Variants in KCNN2 observed in about 807,000 individuals in gnomAD.
KCNN2 encodes the protein potassium calcium-activated channel subfamily N member 2.
Under a neutral mutation model 55.5 loss-of-function variants are expected in KCNN2, and 24 were observed. The observed-to-expected ratio is 0.43, with a 90% CI of 0.31 to 0.61. The LOEUF (loss-of-function observed/expected upper bound fraction) is 0.61, where lower values mean the gene tolerates loss of function less well. Ranked by LOEUF, KCNN2 falls within the 20% of genes least tolerant of loss-of-function variation. The probability of loss-of-function intolerance (pLI) is 0.08; values close to 1 mark genes in which losing one functional copy is unlikely to be tolerated. For synonymous variants in KCNN2, 431 were observed against 336.1 expected (o/e 1.28, Z -3.09); for missense variants, 754 against 853.6 (o/e 0.88, Z 1.45).
In KCNN2 at chr5:114,247,202, CAA is replaced by C. The variant is rs370172975; in HGVS notation, c.-185+25657_-185+25658del. ...AGCCAGGCATGGTACCATATGTCTC[CAA>C]AAAAAAAAAAAAAAAAAAAGAAAAG... On this transcript the variant is annotated intron_variant, in intron 2 of 10. Transcript: ENST00000512097. 6.7e-3 allele frequency among the ~76,000 whole-genome samples: 459 copies of C among 68,096 alleles called. 2 individuals carry two copies. The highest frequency in any genetic ancestry group is 0.025 in the African/African-American group (429 of 17,210). 44.7% of individuals were successfully genotyped at this position (68,096 alleles called of 152,430 possible).
intron 2 of KCNN2, among the ~76,000 whole-genome samples, chr5:114,323,030 C>G (rs184995537): frequency 1.3e-4 from 20 of 152,324 alleles, no homozygotes; most frequent in Admixed American, 9.1e-4. Flanking sequence ...TATCATTTAG[C>G]TCCTGCTAAT....
chr5:114,217,609 G>C (rs1754033659), intron 1 of KCNN2, among the ~76,000 whole-genome samples: 1 of 152,046 alleles, frequency 6.6e-6, no homozygotes, highest in Non-Finnish European at 1.5e-5. Flanking sequence ...AACTTAAAAT[G>C]AATCACCTGT....
intron 2 of KCNN2, among the ~76,000 whole-genome samples, chr5:114,386,917 T>C (rs1007473206): frequency 1.3e-5 from 2 of 152,244 alleles, no homozygotes; most frequent in Admixed American, 6.5e-5. Context: ...TGCTTTCTAC[T>C]GTCCTTACTT....
intron 1 of KCNN2, among the ~76,000 whole-genome samples, chr5:114,081,914 A>C (rs1050381759): frequency 6.6e-6 from 1 of 152,122 alleles, no homozygotes; most frequent in Non-Finnish European, 1.5e-5. Context: ...CTTAAAATTC[A>C]ACAAAAGCAA....
chr5:114,385,264 C>T lies in KCNN2; in HGVS notation c.1219-19174C>T, dbSNP rs189941944. On this transcript the variant is annotated intron_variant, in intron 2 of 7. Transcript: ENST00000673685. ...TTTTGTTCTCTTTCTCTCCCTTTCT[C>T]TCTTCCTTCATAACATCACAGAAGT... 2.0e-4 allele frequency among the ~76,000 whole-genome samples: 30 copies of T among 152,010 alleles called. No individual in the cohort carries two copies. The East Asian group carries it at 5.6e-3, about 29-fold the overall frequency.
At chr5:114,259,176 G>T (rs1755047842) in intron 2 of KCNN2, among the ~76,000 whole-genome samples, 1 of 152,172 alleles carries the variant, frequency 6.6e-6, no homozygotes. Context: ...GAGTTTTCAG[G>T]CTAGGAAAGC....
chr5:114,157,365 C>A (rs944928260), intron 1 of KCNN2, among the ~76,000 whole-genome samples: 2 of 152,038 alleles, frequency 1.3e-5, no homozygotes, highest in East Asian at 1.9e-4. Flanking sequence ...CTAGTATTCC[C>A]TGGTGTATAT....
At position 114,363,143 on chromosome 5, in the gene KCNN2, A is replaced by G. The variant is rs1314537590; in HGVS notation, c.1004A>G (p.His335Arg). 2 of 1,613,448 alleles carry G rather than the reference A, an allele frequency of 1.2e-6. No individual in the cohort carries two copies. Among genetic ancestry groups the G allele is most frequent in the Non-Finnish European group, 1.7e-6 (2 of 1,179,990 alleles). The change falls in exon 1 of 8, where the codon CAC becomes CGC. Residue 335 changes from histidine (H) to arginine (R), a missense_variant. By Grantham distance (29) the His-to-Arg change is conservative. Transcript: ENST00000673685. ...CAGAACATCGGCTACAAGCTGGGCCACCGGCGCGCCCTGTTCGAAAAGCGC... is the reference window on the plus strand; with the variant it reads ...CAGAACATCGGCTACAAGCTGGGCCGCCGGCGCGCCCTGTTCGAAAAGCGC... ...KNQNIGYKLG[H>R]RRALFEKRKR...
chr5:114,461,233 A>G (rs1430303972), intron 3 of KCNN2, among the ~76,000 whole-genome samples: 1 of 152,160 alleles, frequency 6.6e-6, no homozygotes, highest in Non-Finnish European at 1.5e-5. Context: ...TCTCAGGGGA[A>G]ATGCACTCAG....
Position 114,363,911 on chromosome 5 carries a change from G to C in KCNN2, c.1128G>C (p.Ser376=), listed in dbSNP as rs772518806. 9 of 1,612,954 alleles carry C rather than the reference G, an allele frequency of 5.6e-6. No individual in the cohort carries two copies. In the African/African-American group the frequency reaches 1.1e-4, roughly 19 times the overall value. Reference sequence around the variant, plus strand: ...TCTGTCTGACTGTGTTGCAGGCGTCGCTGTATTCCTTAGCTCTGAAATGCC... The same window carrying C: ...TCTGTCTGACTGTGTTGCAGGCGTCCCTGTATTCCTTAGCTCTGAAATGCC... ...ELSWGAYDKA[S]LYSLALKCLI... The change falls in exon 2 of 8, where the codon TCG becomes TCC. Residue 376 remains serine, a synonymous_variant. Coordinates refer to ENST00000673685, the MANE Select transcript of KCNN2 (RefSeq NM_021614.4).
chr5:114,062,458 C>A (rs117007714), intron 1 of KCNN2, among the ~76,000 whole-genome samples: 1 of 152,082 alleles, frequency 6.6e-6, no homozygotes, highest in Admixed American at 6.5e-5. Flanking sequence ...TCATTTTCTT[C>A]GACTTTAAAT....
At chr5:114,207,418 C>T (rs1041074723) in intron 1 of KCNN2, among the ~76,000 whole-genome samples, 3 of 152,180 alleles carry the variant, frequency 2.0e-5, no homozygotes, top group Non-Finnish European at 2.9e-5. Flanking sequence ...TTCAGGTCAT[C>T]GCACACATGT....
chr5:114,413,617 A>T (rs1001109833), intron 3 of KCNN2, among the ~76,000 whole-genome samples: 1 of 151,954 alleles, frequency 6.6e-6, no homozygotes, highest in Non-Finnish European at 1.5e-5. Context: ...TTTTTGGTCT[A>T]CCTCCTGAGA....
chr5:114,322,813 T>A (rs1034357638), intron 2 of KCNN2, among the ~76,000 whole-genome samples: 1 of 152,216 alleles, frequency 6.6e-6, no homozygotes, highest in East Asian at 1.9e-4. Context: ...GCTTCTTTTT[T>A]AACTTTTATT....
chr5:114,406,061 A>C (rs1478083507), intron 3 of KCNN2, among the ~76,000 whole-genome samples: 1 of 149,820 alleles, frequency 6.7e-6, no homozygotes, highest in Non-Finnish European at 1.5e-5. Context: ...ATACACTCAG[A>C]TAGTTCAAGG....
intron 2 of KCNN2, among the ~76,000 whole-genome samples, chr5:114,252,760 C>T (rs1214261314): frequency 7.9e-6 from 1 of 126,848 alleles, no homozygotes; most frequent in Non-Finnish European, 1.7e-5. Flanking sequence ...GTTTTCATGG[C>T]ACTCTGTGTA....
chr5:114,364,225 G>A (rs1021777157), intron 2 of KCNN2, among the ~76,000 whole-genome samples: 1 of 152,170 alleles, frequency 6.6e-6, no homozygotes, highest in African/African-American at 2.4e-5. Context: ...AGGTGTATTT[G>A]TTGGACCCTT....
intron 2 of KCNN2, among the ~76,000 whole-genome samples, chr5:114,337,204 G>A (rs1242477865): frequency 2.0e-5 from 3 of 152,058 alleles, no homozygotes; most frequent in African/African-American, 7.2e-5. Context: ...TTGAAATATT[G>A]GATATGATGG....
chr5:114,100,551 T>C (rs558053548), intron 1 of KCNN2, among the ~76,000 whole-genome samples: 184 of 152,152 alleles, frequency 1.2e-3, no homozygotes, highest in African/African-American at 4.1e-3. Flanking sequence ...TTCTTGGGTG[T>C]ATCAGTATGA....
Sources: gnomAD v4.1 joint callset for allele counts (sites outside exome capture counted in the v4.1 genomes callset) on GRCh38, gnomAD v4.1.1 for gene constraint, MANE v1.5 for transcripts, NCBI Gene and HGNC (gene_info 2026-07-23, HGNC 2026-07-21) for gene names.